Variants in PIAS2 observed in about 807,000 individuals in gnomAD.
PIAS2 encodes protein inhibitor of activated STAT 2.
A neutral mutation model predicts 69.7 loss-of-function variants in PIAS2; 19 were observed. That is an observed-to-expected ratio of 0.27 (90% CI 0.19 to 0.40). The LOEUF (loss-of-function observed/expected upper bound fraction) is 0.40. Ranked by LOEUF, PIAS2 falls within the 10% of genes least tolerant of loss-of-function variation. PIAS2 has a pLI of 1.00. For synonymous variants in PIAS2, 261 were observed against 263.2 expected, an observed-to-expected ratio of 0.99 and a Z score of 0.08; for missense variants, 624 against 757.0, an observed-to-expected ratio of 0.82 and a Z score of 2.06.
chr18:46,893,929 C>A (rs2054451518), intron 1 of PIAS2, among the ~76,000 whole-genome samples: 1 of 152,138 alleles, frequency 6.6e-6, no homozygotes. Flanking sequence ...AGTTCAAGAC[C>A]AGCCTGACCA....
intron 1 of PIAS2, among the ~76,000 whole-genome samples, chr18:46,915,792 A>C (rs1410855916): frequency 7.1e-6 from 1 of 141,034 alleles, no homozygotes; most frequent in African/African-American, 2.7e-5. Flanking sequence ...TTTCATTAAC[A>C]AAAAAAAAAA....
rs1599966628 is a variant in PIAS2 at position 46,867,708 on chromosome 18, A to G, written c.500-3460T>C. On this transcript the variant is annotated intron_variant, in intron 2 of 13. Coordinates refer to ENST00000585916, the MANE Select transcript of PIAS2 (RefSeq NM_004671.5). ...TAGATTCTATTTTCCAAATATAACC[A>G]CATTATCTCCCATCATGTCCTCCTT... is the stretch of plus-strand genomic sequence containing the variant. 2.0e-5 allele frequency among the ~76,000 whole-genome samples: 3 copies of G among 152,330 alleles called. No homozygotes were observed. In the East Asian group the frequency reaches 5.8e-4, roughly 29 times the overall value.
At chr18:46,874,773 T>C (rs774292863) in intron 2 of PIAS2, among the ~76,000 whole-genome samples, 6 of 152,138 alleles carry the variant, frequency 3.9e-5, no homozygotes, top group Non-Finnish European at 8.8e-5. Flanking sequence ...CCCTCAGAAC[T>C]AAAGGCCTTT....
chr18:46,835,517 C>A (rs2044296640), intron 9 of PIAS2, among the ~76,000 whole-genome samples: 1 of 152,136 alleles, frequency 6.6e-6, no homozygotes, highest in Non-Finnish European at 1.5e-5. Context: ...ACCTTGAATT[C>A]CTGGGCTCAA....
At chr18:46,918,956 A>G (rs1023831009), upstream of PIAS2, among the ~76,000 whole-genome samples, 13 of 151,298 alleles carry the variant, frequency 8.6e-5, no homozygotes, top group South Asian at 2.7e-3. Flanking sequence ...TTATGTAGGT[A>G]TTTGTGTAAT....
chr18:46,844,953 T>C (rs1399853916), intron 6 of PIAS2, 114 bp from the exon 7 acceptor site: 6 of 462,414 alleles, frequency 1.3e-5, no homozygotes, highest in South Asian at 5.1e-5. Flanking sequence ...CAAAATAACT[T>C]CCATGGAATG....
rs187066789 is a variant in PIAS2 at position 46,910,534 on chromosome 18, A to C, written c.24+6788T>G. Among the ~76,000 whole-genome samples, 351 of 152,346 alleles carry C rather than the reference A, an allele frequency of 2.3e-3. 17 individuals carry two copies. The highest frequency in any genetic ancestry group is 1.6e-3 in the Non-Finnish European group (110 of 68,030). On this transcript the variant is annotated intron_variant, in intron 1 of 13. Transcript: ENST00000585916. Reference sequence around the variant, plus strand: ...GAGAAATTAGCATCAGAGAAATTCAAGGTATTTCCCCATAAATCAAGGACA... The same window carrying C: ...GAGAAATTAGCATCAGAGAAATTCACGGTATTTCCCCATAAATCAAGGACA...
At chr18:46,843,965 A>T in intron 8 of PIAS2, 89 bp downstream of exon 8, 1 of 719,288 alleles carries the variant, frequency 1.4e-6, no homozygotes, top group East Asian at 2.8e-5. Flanking sequence ...TCTTCATAAT[A>T]TATCATTCAT....
At chr18:46,844,688 C>T (rs78239693) in intron 7 of PIAS2, 46 bp downstream of exon 7, 9 of 581,008 alleles carry the variant, frequency 1.5e-5, no homozygotes, top group Middle Eastern at 4.1e-4. Context: ...TATGCTCAAT[C>T]TTTTTTTTTT....
intron 12 of PIAS2, chr18:46,818,084 G>A: frequency 2.0e-6 from 2 of 1,004,188 alleles, no homozygotes; most frequent in South Asian, 9.2e-5. Context: ...TATTAACACT[G>A]ATAAAATTTT....
upstream of PIAS2, chr18:46,920,022 A>G: frequency 1.6e-6 from 2 of 1,277,646 alleles, no homozygotes; most frequent in South Asian, 1.2e-5. Context: ...AACACAAAAC[A>G]GTAAGAAAAG....
upstream of PIAS2, chr18:46,920,109 A>T (rs1027095986): frequency 2.3e-5 from 30 of 1,289,066 alleles, no homozygotes; most frequent in African/African-American, 4.1e-4. Context: ...CCCCTTCCTC[A>T]ATGTGTAGCA....
rs1169506277 is a variant in PIAS2, at chr18:46,890,614, A to G, written c.465T>C (p.Asp155=). The change falls in exon 2 of 14, where the codon GAT becomes GAC. Residue 155 remains aspartate (D), a synonymous_variant. Transcript: ENST00000585916. ...DVQLKNLPFY[D]VLDVLIKPTS... is the part of the protein sequence containing the mutation. ...TGGGCTTGATGAGAACATCAAGGAC[A>G]TCATAAAAGGGCAGATTTTTTAACT... The G allele has an allele frequency of 6.2e-7, 1 of 1,613,932 alleles. No individual in the cohort carries two copies.
intron 5 of PIAS2, among the ~76,000 whole-genome samples, chr18:46,855,103 T>TTA (rs1306461365): frequency 2.6e-5 from 2 of 76,346 alleles, no homozygotes; most frequent in South Asian, 5.7e-4. Flanking sequence ...CTTGTCTCTT[T>TTA]AAAAAAAAAA....
chr18:46,900,870 A>T (rs947355419), intron 1 of PIAS2, among the ~76,000 whole-genome samples: 6 of 151,934 alleles, frequency 3.9e-5, no homozygotes. Context: ...GCTGCTCAGG[A>T]GGCTGAGGCA....
intron 2 of PIAS2, among the ~76,000 whole-genome samples, chr18:46,879,602 T>G (rs1396852450): frequency 6.6e-6 from 1 of 152,212 alleles, no homozygotes; most frequent in African/African-American, 2.4e-5. Context: ...AAGAGATGTT[T>G]GTATACTCAC....
At chr18:46,851,390 A>C (rs1262129090) in intron 5 of PIAS2, among the ~76,000 whole-genome samples, 1 of 152,202 alleles carries the variant, frequency 6.6e-6, no homozygotes, top group Non-Finnish European at 1.5e-5. Context: ...ATTTCTCACA[A>C]ATTGTTTAGA....
At chr18:46,905,314 A>C (rs953917206) in intron 1 of PIAS2, among the ~76,000 whole-genome samples, 7 of 152,216 alleles carry the variant, frequency 4.6e-5, no homozygotes, top group African/African-American at 1.7e-4. Flanking sequence ...GAAAAATACA[A>C]GTAAAAATAA....
intron 2 of PIAS2, among the ~76,000 whole-genome samples, chr18:46,885,011 G>C (rs1229623943): frequency 6.6e-6 from 1 of 151,976 alleles, no homozygotes; most frequent in African/African-American, 2.4e-5. Flanking sequence ...GGAGATTTTT[G>C]CTAGTTTGTT....
Sources: gnomAD v4.1 joint callset for allele counts (sites outside exome capture counted in the v4.1 genomes callset) on GRCh38, gnomAD v4.1.1 for gene constraint, MANE v1.5 for transcripts, NCBI Gene and HGNC (gene_info 2026-07-23, HGNC 2026-07-21) for gene names.